The following JUNB variants were observed in gnomAD, a reference collection of about 807,000 sequenced individuals.
JUNB encodes transcription factor JunB.
JUNB carries 6 observed loss-of-function variants against 16.4 expected under a neutral mutation model. The observed-to-expected ratio is 0.37, with a 90% CI of 0.20 to 0.72. The LOEUF is 0.72. JUNB is among the 30% of genes least tolerant of loss of function. The pLI, the probability that JUNB is intolerant of heterozygous loss-of-function variation, is 0.53. For missense variants in JUNB, 389 were observed against 492.9 expected, an observed-to-expected ratio of 0.79 and a Z score of 2.00; for synonymous variants, 226 against 232.8, an observed-to-expected ratio of 0.97 and a Z score of 0.27.
Position 12,791,955 on chromosome 19 carries a change from G to A in JUNB, c.184G>A (p.Gly62Ser), listed in dbSNP as rs1315876476. ...APGARGPGPE[G>S]GGGGSYFSGQ... is the part of the protein sequence containing the mutation. Reference sequence around the variant, plus strand: ...TGGGGCTCGCGGACCCGGCCCAGAGGGCGGCGGTGGCGGCAGCTACTTTTC... The same window carrying A: ...TGGGGCTCGCGGACCCGGCCCAGAGAGCGGCGGTGGCGGCAGCTACTTTTC... The change falls in exon 1 of 1, where the codon GGC (glycine) becomes AGC (serine). Residue 62 changes from glycine (G) to serine (S), a missense_variant. Physicochemically the swap from Gly to Ser is moderately conservative, Grantham distance 56. Around this residue, in one of 2 missense-constraint regions of JUNB, gnomAD observed 349 missense variants for 389.8 expected, o/e 0.90. Coordinates refer to ENST00000302754, the MANE Select transcript of JUNB (RefSeq NM_002229.3). The surrounding 1 kb of genome is among the most constrained non-coding windows in gnomAD (Gnocchi z 7.0). 1.2e-6 allele frequency: 2 copies of A among 1,610,942 alleles called. No individual in the cohort carries two copies. Among genetic ancestry groups the A allele is most frequent in the Admixed American group, 1.7e-5 (1 of 59,736 alleles).
rs527926047 is a variant in JUNB at position 12,791,855 on chromosome 19, T to C, written c.84T>C (p.Ser28=). Residue 28 remains serine (S), a synonymous_variant, in exon 1 of 1, where the codon TCT becomes TCC. Coordinates refer to ENST00000302754, the MANE Select transcript of JUNB (RefSeq NM_002229.3). This position sits in a 1 kb window ranked among gnomAD's most constrained non-coding sequence, Gnocchi z 7.0. The stretch of plus-strand genomic sequence containing the variant: ...ACGGCCGGGCCCCTGGTGGCCTCTC[T>C]CTACACGACTACAAACTCCTGAAAC... The part of the protein sequence containing the change: ...TGYGRAPGGL[S]LHDYKLLKPS... The C allele has an allele frequency of 1.2e-6, 2 of 1,613,554 alleles. No homozygotes were observed. Among genetic ancestry groups the C allele is most frequent in the Non-Finnish European group, 1.7e-6 (2 of 1,179,886 alleles).
chr19:12,792,250 G>A lies in JUNB; in HGVS notation c.479G>A (p.Gly160Asp). Residue 160 changes from glycine to aspartate, a missense_variant, in exon 1 of 1, where the codon GGC (glycine) becomes GAC (aspartate). By Grantham distance (94) the Gly-to-Asp change is moderately conservative (BLOSUM62 -1). Coordinates refer to ENST00000302754, the MANE Select transcript of JUNB (RefSeq NM_002229.3). ...GTGACACCCCCCAACGTGTCCCTGG[G>A]CGCTACCGGGGGGCCCCCGGCTGGG... is the stretch of plus-strand genomic sequence containing the variant. ...NHVTPPNVSL[G>D]ATGGPPAGPG... is the part of the protein sequence containing the mutation. The A allele has an allele frequency of 6.6e-7, 1 of 1,505,810 alleles. No individual in the cohort carries two copies. Among genetic ancestry groups the A allele is most frequent in the South Asian group, 1.3e-5 (1 of 78,870 alleles). 93.3% of individuals were successfully genotyped at this position (1,505,810 alleles called of 1,614,324 possible).
Position 12,791,998 on chromosome 19 carries a change from C to G in JUNB, c.227C>G (p.Thr76Ser). 2 of 1,611,672 alleles carry G rather than the reference C, an allele frequency of 1.2e-6. No homozygotes were observed. Among genetic ancestry groups the G allele is most frequent in the Non-Finnish European group, 1.7e-6 (2 of 1,179,454 alleles). The change falls in exon 1 of 1, where the codon ACC becomes AGC. Residue 76 changes from threonine to serine, a missense_variant. Coordinates refer to ENST00000302754, the MANE Select transcript of JUNB (RefSeq NM_002229.3). The surrounding 1 kb of genome is among the most constrained non-coding windows in gnomAD (Gnocchi z 7.0). ...GSYFSGQGSD[T>S]GASLKLASSE... ...TACTTTTCTGGTCAGGGCTCGGACA[C>G]CGGCGCGTCTCTCAAGCTCGCCTCT...
chr19:12,791,679 G>C lies in JUNB; in HGVS notation c.-93G>C. ...CCGAGAACGCGCGACCAGGCACCCAGTCCGGTCACCGCAGCGGAGAGCTCG... is the reference window on the plus strand; with the variant it reads ...CCGAGAACGCGCGACCAGGCACCCACTCCGGTCACCGCAGCGGAGAGCTCG... On this transcript the variant is annotated 5_prime_UTR_variant, in exon 1 of 1. Coordinates refer to ENST00000302754, the MANE Select transcript of JUNB (RefSeq NM_002229.3). This position sits in a 1 kb window ranked among gnomAD's most constrained non-coding sequence, Gnocchi z 7.0. The C allele has an allele frequency of 1.1e-6, 1 of 935,756 alleles. No individual in the cohort carries two copies. Among genetic ancestry groups the C allele is most frequent in the Middle Eastern group, 2.3e-4 (1 of 4,270 alleles). The allele number at this position is 935,756 out of a possible 1,614,324, so 58.0% of individuals were successfully genotyped here.
rs17886468 is a variant in JUNB at position 12,793,159 on chromosome 19, A to AC, written c.*349dup. ...AGCCCGCGGGGACATTGGGAAGGGG[A>AC]CCCCCGCCCCCTGCCCTCCCCTCTC... On this transcript the variant is annotated 3_prime_UTR_variant, in exon 1 of 1. Coordinates refer to ENST00000302754, the MANE Select transcript of JUNB (RefSeq NM_002229.3). This position sits in a 1 kb window ranked among gnomAD's most constrained non-coding sequence, Gnocchi z 6.1. 2.3e-3 allele frequency: 612 copies of AC among 260,892 alleles called. 3 individuals are homozygous for AC. Among genetic ancestry groups the AC allele is most frequent in the South Asian group, 4.1e-3 (54 of 13,064 alleles). 16.2% of individuals were successfully genotyped at this position (260,892 alleles called of 1,614,324 possible). A position where few individuals can be genotyped will look rare whatever the true frequency, so the allele number is the denominator to read the frequency against.
Position 12,792,059 on chromosome 19 carries a change from C to T in JUNB, c.288C>T (p.Asn96=), listed in dbSNP as rs1280049080. Residue 96 remains asparagine (N), a synonymous_variant, in exon 1 of 1, where the codon AAC becomes AAT. Transcript: ENST00000302754. ...AACGCCTGATTGTCCCCAACAGCAA[C>T]GGCGTGATCACGACGACGCCTACAC... ...ELERLIVPNS[N]GVITTTPTPP... 1 of 1,610,050 alleles carries T rather than the reference C, an allele frequency of 6.2e-7. No individual in the cohort carries two copies.
At position 12,791,694 on chromosome 19, in the gene JUNB, C is replaced by T; in HGVS notation, c.-78C>T. On this transcript the variant is annotated 5_prime_UTR_variant, in exon 1 of 1. Transcript: ENST00000302754. This position sits in a 1 kb window ranked among gnomAD's most constrained non-coding sequence, Gnocchi z 7.0. ...CAGGCACCCAGTCCGGTCACCGCAG[C>T]GGAGAGCTCGCCGCTCGCTGCAGCG... The T allele has an allele frequency of 8.9e-7, 1 of 1,127,800 alleles. No homozygotes were observed. The highest frequency in any genetic ancestry group is 1.6e-5 in the South Asian group (1 of 61,574). The allele number at this position is 1,127,800 out of a possible 1,614,324, so 69.9% of individuals were successfully genotyped here.
At position 12,792,391 on chromosome 19, in the gene JUNB, C is replaced by A; in HGVS notation, c.620C>A (p.Ser207Ter). Residue 207 changes from serine to a stop codon, truncating the protein, a stop_gained, in exon 1 of 1, where the codon TCG becomes TAG. Coordinates refer to ENST00000302754, the MANE Select transcript of JUNB (RefSeq NM_002229.3). LOFTEE classifies it high-confidence loss of function. ...GAGAAVGTGSSYPTTTISYLP... is the reference protein window; with the variant it reads ...GAGAAVGTGS The stretch of plus-strand genomic sequence containing the variant: ...GGGGCTGCCGTCGGGACCGGGAGCT[C>A]GTACCCGACGACCACCATCAGCTAC... The A allele has an allele frequency of 6.3e-7, 1 of 1,592,812 alleles. No individual in the cohort carries two copies. Among genetic ancestry groups the A allele is most frequent in the Non-Finnish European group, 8.5e-7 (1 of 1,172,616 alleles).
Position 12,792,408 on chromosome 19 carries a change from A to G in JUNB, c.637A>G (p.Ile213Val), listed in dbSNP as rs1188943207. The change falls in exon 1 of 1, where the codon ATC becomes GTC. Residue 213 changes from isoleucine to valine, a missense_variant. Transcript: ENST00000302754. ...GTGSSYPTTTISYLPHAPPFA... is the reference protein window; with the variant it reads ...GTGSSYPTTTVSYLPHAPPFA... ...CGGGAGCTCGTACCCGACGACCACC[A>G]TCAGCTACCTCCCACACGCGCCGCC... The G allele has an allele frequency of 1.2e-6, 2 of 1,601,290 alleles. No homozygotes were observed. The highest frequency in any genetic ancestry group is 3.4e-5 in the Admixed American group (2 of 59,410).
rs772513594 is a variant in JUNB, at chr19:12,792,433, C to T, written c.662C>T (p.Pro221Leu). 1.2e-6 allele frequency: 2 copies of T among 1,602,120 alleles called. No homozygotes were observed. ...TTISYLPHAPPFAGGHPAQLG... is the reference protein window; with the variant it reads ...TTISYLPHAPLFAGGHPAQLG... ...ATCAGCTACCTCCCACACGCGCCGC[C>T]CTTCGCCGGTGGCCACCCGGCGCAG... Residue 221 changes from proline (P) to leucine (L), a missense_variant, in exon 1 of 1, where the codon CCC becomes CTC. Coordinates refer to ENST00000302754, the MANE Select transcript of JUNB (RefSeq NM_002229.3).
chr19:12,791,633 G>A lies in JUNB; in HGVS notation c.-139G>A. ...TTTTGCGCACAGCTGCCGGCTGGCT[G>A]CTACCCGCCCGCGCCAGCCCCCGAG... On this transcript the variant is annotated 5_prime_UTR_variant, in exon 1 of 1. Coordinates refer to ENST00000302754, the MANE Select transcript of JUNB (RefSeq NM_002229.3). The surrounding 1 kb of genome is among the most constrained non-coding windows in gnomAD (Gnocchi z 7.0). 1 of 592,974 alleles carries A rather than the reference G, an allele frequency of 1.7e-6. No individual in the cohort carries two copies. The highest frequency in any genetic ancestry group is 2.8e-6 in the Non-Finnish European group (1 of 359,100). The allele number at this position is 592,974 out of a possible 1,614,324, so 36.7% of individuals were successfully genotyped here. A position where few individuals can be genotyped will look rare whatever the true frequency, so the allele number is the denominator to read the frequency against.
rs755915436 is a variant in JUNB at position 12,792,728 on chromosome 19, G to T, written c.957G>T (p.Glu319Asp). 1.2e-6 allele frequency: 2 copies of T among 1,609,210 alleles called. No homozygotes were observed. Among genetic ancestry groups the T allele is most frequent in the East Asian group, 2.2e-5 (1 of 44,486 alleles). The change falls in exon 1 of 1, where the codon GAG (glutamate) becomes GAT (aspartate). Residue 319 changes from glutamate (E) to aspartate (D), a missense_variant. Glu to Asp is a conservative substitution (Grantham distance 45). Transcript: ENST00000302754. The stretch of plus-strand genomic sequence containing the variant: ...CGAGTACCGCCGGCCTCCTCCGGGA[G>T]CAGGTGGCCCAGCTCAAACAGAAGG... ...GLSSTAGLLR[E>D]QVAQLKQKVM...
In JUNB at chr19:12,792,253, C is replaced by T. The variant is rs983898357; in HGVS notation, c.482C>T (p.Ala161Val). The change falls in exon 1 of 1, where the codon GCT (alanine) becomes GTT (valine). Residue 161 changes from alanine to valine, a missense_variant. This residue lies in a region of JUNB where 349 missense variants were observed against 389.8 expected (regional missense o/e 0.90). Coordinates refer to ENST00000302754, the MANE Select transcript of JUNB (RefSeq NM_002229.3). ...ACACCCCCCAACGTGTCCCTGGGCG[C>T]TACCGGGGGGCCCCCGGCTGGGCCC... ...HVTPPNVSLG[A>V]TGGPPAGPGG... 3 of 1,502,332 alleles carry T rather than the reference C, an allele frequency of 2.0e-6. No homozygotes were observed. The African/African-American group carries it at 4.2e-5, about 21-fold the overall frequency. 93.1% of individuals were successfully genotyped at this position (1,502,332 alleles called of 1,614,324 possible). A position where few individuals can be genotyped will look rare whatever the true frequency, so the allele number is the denominator to read the frequency against.
At position 12,791,756 on chromosome 19, in the gene JUNB, C is replaced by T; in HGVS notation, c.-16C>T. ...GGCCCCGCAGGGACCCTCCCCAGAC[C>T]GCCTGGGCCGCCCGGATGTGCACTA... On this transcript the variant is annotated 5_prime_UTR_variant, in exon 1 of 1. Transcript: ENST00000302754. This position sits in a 1 kb window ranked among gnomAD's most constrained non-coding sequence, Gnocchi z 7.0. 1.3e-6 allele frequency: 2 copies of T among 1,585,056 alleles called. No homozygotes were observed. The highest frequency in any genetic ancestry group is 1.7e-6 in the Non-Finnish European group (2 of 1,162,340).
rs922639087 is a variant in JUNB, at chr19:12,792,937, C to T, written c.*122C>T. 3 of 1,112,524 alleles carry T rather than the reference C, an allele frequency of 2.7e-6. No homozygotes were observed. The highest frequency in any genetic ancestry group is 3.8e-6 in the Non-Finnish European group (3 of 788,946). The allele number at this position is 1,112,524 out of a possible 1,614,324, so 68.9% of individuals were successfully genotyped here. A position where few individuals can be genotyped will look rare whatever the true frequency, so the allele number is the denominator to read the frequency against. The stretch of plus-strand genomic sequence containing the variant: ...GGACCTAGGGGCGCCGCAAACCACA[C>T]TGGACTCCGGCCCTCCTACCCTGCG... On this transcript the variant is annotated 3_prime_UTR_variant, in exon 1 of 1. Coordinates refer to ENST00000302754, the MANE Select transcript of JUNB (RefSeq NM_002229.3).
rs769217729 is a variant in JUNB at position 12,792,264 on chromosome 19, C to T, written c.493C>T (p.Pro165Ser). 1.3e-6 allele frequency: 2 copies of T among 1,494,020 alleles called. No individual in the cohort carries two copies. The highest frequency in any genetic ancestry group is 1.8e-6 in the Non-Finnish European group (2 of 1,119,690). The allele number at this position is 1,494,020 out of a possible 1,614,324, so 92.5% of individuals were successfully genotyped here. The change falls in exon 1 of 1, where the codon CCC (proline) becomes TCC (serine). Residue 165 changes from proline to serine, a missense_variant. By Grantham distance (74) the Pro-to-Ser change is moderately conservative (BLOSUM62 -1). Transcript: ENST00000302754. ...CGTGTCCCTGGGCGCTACCGGGGGGCCCCCGGCTGGGCCCGGGGGCGTCTA... is the reference window on the plus strand; with the variant it reads ...CGTGTCCCTGGGCGCTACCGGGGGGTCCCCGGCTGGGCCCGGGGGCGTCTA... ...PNVSLGATGG[P>S]PAGPGGVYAG...
Position 12,791,993 on chromosome 19 carries a change from G to C in JUNB, c.222G>C (p.Ser74=), listed in dbSNP as rs774983836. ...GGGSYFSGQG[S]DTGASLKLAS... ...GCAGCTACTTTTCTGGTCAGGGCTC[G>C]GACACCGGCGCGTCTCTCAAGCTCG... Residue 74 remains serine (S), a synonymous_variant, in exon 1 of 1, where the codon TCG becomes TCC. Transcript: ENST00000302754. This position sits in a 1 kb window ranked among gnomAD's most constrained non-coding sequence, Gnocchi z 7.0. 1 of 1,611,362 alleles carries C rather than the reference G, an allele frequency of 6.2e-7. No homozygotes were observed. Among genetic ancestry groups the C allele is most frequent in the Admixed American group, 1.7e-5 (1 of 59,840 alleles).
In JUNB at chr19:12,792,532, C is replaced by T; in HGVS notation, c.761C>T (p.Ala254Val). 6.4e-7 allele frequency: 1 copy of T among 1,569,568 alleles called. No homozygotes were observed. The highest frequency in any genetic ancestry group is 8.6e-7 in the Non-Finnish European group (1 of 1,158,242). Residue 254 changes from alanine (A) to valine (V), a missense_variant, in exon 1 of 1, where the codon GCC (alanine) becomes GTC (valine). Ala to Val is a moderately conservative substitution (Grantham distance 64). Transcript: ENST00000302754. ...GTGCCGGAGGCGCGCAGCCGGGACG[C>T]CACGCCGCCGGTGTCCCCCATCAAC... ...QTVPEARSRD[A>V]TPPVSPINME...
At position 12,793,048 on chromosome 19, in the gene JUNB, A is replaced by C. The variant is rs1240697191; in HGVS notation, c.*233A>C. The C allele has an allele frequency of 3.7e-6, 2 of 546,362 alleles. No individual in the cohort carries two copies. Among genetic ancestry groups the C allele is most frequent in the Non-Finnish European group, 6.8e-6 (2 of 296,242 alleles). The allele number at this position is 546,362 out of a possible 1,614,324, so 33.8% of individuals were successfully genotyped here. A position where few individuals can be genotyped will look rare whatever the true frequency, so the allele number is the denominator to read the frequency against. On this transcript the variant is annotated 3_prime_UTR_variant, in exon 1 of 1. Coordinates refer to ENST00000302754, the MANE Select transcript of JUNB (RefSeq NM_002229.3). This position sits in a 1 kb window ranked among gnomAD's most constrained non-coding sequence, Gnocchi z 6.1. ...TTTCTGCTGGAAACAGACTCGATTC[A>C]TATTGAATATAATATATTTGTGTAT...
Sources: gnomAD v4.1 joint callset for allele counts on GRCh38, gnomAD v4.1.1 for gene constraint, gnomAD v4.1.1 regional missense constraint, Gnocchi (gnomAD v3.1) non-coding constraint, MANE v1.5 for transcripts, NCBI Gene and HGNC (gene_info 2026-07-23, HGNC 2026-07-21) for gene names.